The following AGO3 variants were observed in gnomAD, a reference collection of about 807,000 sequenced individuals.
AGO3 encodes the protein argonaute RISC catalytic component 3.
In AGO3, 16 loss-of-function variants were observed where a neutral mutation model predicts 105.5. The observed-to-expected ratio is 0.15, with a 90% CI of 0.10 to 0.23. The LOEUF is 0.23. AGO3 is among the 10% of genes least tolerant of loss of function. AGO3 has a pLI of 1.00. For missense variants in AGO3, 534 were observed against 1,088.0 expected, an observed-to-expected ratio of 0.49 and a Z score of 7.16; for synonymous variants, 340 against 367.3, an observed-to-expected ratio of 0.93 and a Z score of 0.85.
chr1:35,979,693 T>C (rs1647017311), intron 5 of AGO3, among the ~76,000 whole-genome samples: 1 of 152,218 alleles, frequency 6.6e-6, no homozygotes, highest in South Asian at 2.1e-4. Flanking sequence ...TTCATATCTG[T>C]TTTCGTTATG....
At chr1:36,014,089 T>C in intron 11 of AGO3, 41 bp downstream of exon 11, 1 of 1,612,596 alleles carries the variant, frequency 6.2e-7, no homozygotes, top group Non-Finnish European at 8.5e-7. Flanking sequence ...CTTTTTTGTG[T>C]TTAGACTTTA....
At chr1:35,995,467 G>C (rs1648236247) in intron 5 of AGO3, among the ~76,000 whole-genome samples, 1 of 151,934 alleles carries the variant, frequency 6.6e-6, no homozygotes. Context: ...GTAGCTGGTT[G>C]ATTTTTGGCA....
At chr1:36,010,155 G>A (rs1050857195) in intron 9 of AGO3, among the ~76,000 whole-genome samples, 5 of 151,822 alleles carry the variant, frequency 3.3e-5, no homozygotes, top group Admixed American at 3.3e-4. Context: ...TAGCCAGGAT[G>A]GTCTCCATCT....
At chr1:35,943,385 A>C (rs1367341286) in intron 1 of AGO3, among the ~76,000 whole-genome samples, 1 of 137,566 alleles carries the variant, frequency 7.3e-6, no homozygotes, top group Admixed American at 7.7e-5. Flanking sequence ...CACTGCAGCT[A>C]CTGTCTCCCA....
intron 5 of AGO3, among the ~76,000 whole-genome samples, chr1:35,985,919 A>G (rs1440895773): frequency 2.6e-5 from 4 of 152,380 alleles, no homozygotes; most frequent in Non-Finnish European, 4.4e-5. Context: ...GGAAATGCAT[A>G]TAGCCAGTAA....
chr1:36,034,121 A>G, intron 12 of AGO3, 53 bp from the exon 13 acceptor site: 1 of 1,440,864 alleles, frequency 6.9e-7, no homozygotes. Flanking sequence ...TCAGTATGTA[A>G]AATTATTTTC....
intron 3 of AGO3, among the ~76,000 whole-genome samples, chr1:35,971,109 ATATAAATTTATATTATAAAT>A (rs1444782988): frequency 1.4e-5 from 2 of 145,108 alleles, no homozygotes; most frequent in East Asian, 2.0e-4. Context: ...TATAAATAAT[ATATAAATTTATATTATAAAT>A]TATAAATTTA....
chr1:36,014,704 G>A (rs1168360762), intron 11 of AGO3, among the ~76,000 whole-genome samples: 2 of 148,816 alleles, frequency 1.3e-5, no homozygotes, highest in Non-Finnish European at 3.0e-5. Context: ...CCAGGAGGCG[G>A]AGCTTGTAGT....
intron 3 of AGO3, among the ~76,000 whole-genome samples, chr1:35,968,935 C>T (rs1029349042): frequency 1.3e-5 from 2 of 151,792 alleles, no homozygotes; most frequent in African/African-American, 4.8e-5. Context: ...TAATAGTAAC[C>T]ATCCTAATGG....
chr1:35,971,977 A>G (rs1469435570), intron 3 of AGO3, 47 bp from the exon 4 acceptor site: 1 of 1,524,750 alleles, frequency 6.6e-7, no homozygotes, highest in South Asian at 1.1e-5. Flanking sequence ...AAATAATTGT[A>G]TTTATCTTTT....
chr1:35,964,503 C>G (rs979437045), intron 2 of AGO3, among the ~76,000 whole-genome samples: 9 of 152,160 alleles, frequency 5.9e-5, no homozygotes, highest in African/African-American at 9.7e-5. Context: ...ATATGTACCA[C>G]ATTTTCTTTA....
rs1344962838 is a variant in AGO3, at chr1:36,008,836, T to C, written c.881+59T>C. 4.3e-6 allele frequency: 7 copies of C among 1,613,736 alleles called. No homozygotes were observed. In the South Asian group the frequency reaches 6.6e-5, roughly 15 times the overall value. ...AGGCAGCTTGCTCTAGTTAGTGGGG[T>C]TGGGAGTTTTTCTGGCTCATAATGG... On this transcript the variant is annotated intron_variant, in intron 7 of 18. Coordinates refer to ENST00000373191, the MANE Select transcript of AGO3 (RefSeq NM_024852.4). The surrounding 1 kb of genome is among the most constrained non-coding windows in gnomAD (Gnocchi z 5.1).
In AGO3 at chr1:36,072,155, T is replaced by A. The variant is rs1643174382; in HGVS notation, c.*16410T>A. On this transcript the variant is annotated 3_prime_UTR_variant, in exon 19 of 19. Transcript: ENST00000373191. ...ATCTTCCCCACAGAAATTATTATAC[T>A]ACGAACAAGTTATGAGTGAGACTGA... The A allele has an allele frequency of 6.6e-6, 1 of 152,234 alleles. No individual in the cohort carries two copies. The highest frequency in any genetic ancestry group is 2.4e-5 in the African/African-American group (1 of 41,470). The allele number at this position is 152,234 out of a possible 1,614,324, so 9.4% of individuals were successfully genotyped here.
Position 36,066,207 on chromosome 1 carries a change from A to T in AGO3, c.*10462A>T, listed in dbSNP as rs1032160206. On this transcript the variant is annotated 3_prime_UTR_variant, in exon 19 of 19. Coordinates refer to ENST00000373191, the MANE Select transcript of AGO3 (RefSeq NM_024852.4). ...TATGCTATCTATAATTTTATGTTTG[A>T]TGTTGAAGAGGCAACACCAGAGACT... The T allele has an allele frequency of 6.6e-6, 1 of 152,164 alleles. No homozygotes were observed. 9.4% of individuals were successfully genotyped at this position (152,164 alleles called of 1,614,324 possible). A position where few individuals can be genotyped will look rare whatever the true frequency, so the allele number is the denominator to read the frequency against.
At chr1:36,054,408 G>C (rs1569963083) in intron 17 of AGO3, among the ~76,000 whole-genome samples, 1 of 152,060 alleles carries the variant, frequency 6.6e-6, no homozygotes, top group East Asian at 1.9e-4. Context: ...AAGTAGCTGG[G>C]ACTACAGGTG....
intron 17 of AGO3, among the ~76,000 whole-genome samples, chr1:36,050,814 A>G (rs1642685870): frequency 6.7e-6 from 1 of 149,126 alleles, no homozygotes; most frequent in Non-Finnish European, 1.5e-5. Context: ...AAAAAAAGAT[A>G]CTTGATTTGA....
At chr1:36,053,099 C>A (rs1173005923) in intron 17 of AGO3, among the ~76,000 whole-genome samples, 5 of 152,066 alleles carry the variant, frequency 3.3e-5, no homozygotes, top group Non-Finnish European at 2.9e-5. Context: ...ATTCTCTCTT[C>A]AAGTTAAGTT....
At chr1:35,995,721 G>A (rs1005781261) in intron 5 of AGO3, among the ~76,000 whole-genome samples, 4 of 151,934 alleles carry the variant, frequency 2.6e-5, no homozygotes, top group South Asian at 2.1e-4. Flanking sequence ...CCTATCACCC[G>A]GACTGGAGTG....
At chr1:36,048,118 G>A (rs1018749603) in intron 17 of AGO3, among the ~76,000 whole-genome samples, 1 of 151,944 alleles carries the variant, frequency 6.6e-6, no homozygotes, top group Non-Finnish European at 1.5e-5. Context: ...AACCTTATAG[G>A]CCTGGAGAGA....
Sources: allele counts gnomAD v4.1 joint callset (sites outside exome capture counted in the v4.1 genomes callset), GRCh38; gene constraint gnomAD v4.1.1; non-coding constraint Gnocchi (gnomAD v3.1); transcripts MANE v1.5; gene names NCBI Gene and HGNC (gene_info 2026-07-23, HGNC 2026-07-21).